The following SOBP variants were observed in gnomAD, a reference collection of about 807,000 sequenced individuals.
SOBP encodes the protein sine oculis binding protein homolog.
A neutral mutation model predicts 53.6 loss-of-function variants in SOBP; 4 were observed. The ratio of observed to expected loss-of-function variants is 0.07; its 90% CI spans 0.04 to 0.17. The LOEUF (loss-of-function observed/expected upper bound fraction) is 0.17, where lower values mean the gene tolerates loss of function less well. SOBP is among the 10% of genes least tolerant of loss of function. The probability of loss-of-function intolerance (pLI) is 1.00; values close to 1 mark genes in which losing one functional copy is unlikely to be tolerated. For missense variants in SOBP, 1,088 were observed against 1,204.7 expected, an observed-to-expected ratio of 0.90 and a Z score of 1.43; for synonymous variants, 584 against 522.6, an observed-to-expected ratio of 1.12 and a Z score of -1.60.
At chr6:107,654,310 A>C (rs1028968079) in intron 6 of SOBP, among the ~76,000 whole-genome samples, 1 of 152,206 alleles carries the variant, frequency 6.6e-6, no homozygotes, top group Non-Finnish European at 1.5e-5. Flanking sequence ...CTGATGCTTC[A>C]TGTAGCAGGG....
chr6:107,620,741 A>C (rs1786974107), intron 5 of SOBP, among the ~76,000 whole-genome samples: 1 of 152,224 alleles, frequency 6.6e-6, no homozygotes, highest in Non-Finnish European at 1.5e-5. Context: ...CACTGAAAGA[A>C]AGGCCCGCCC....
chr6:107,573,226 A>G (rs1478087349), intron 4 of SOBP, among the ~76,000 whole-genome samples: 4 of 152,170 alleles, frequency 2.6e-5, no homozygotes, highest in African/African-American at 9.7e-5. Context: ...AGCCTTTGGC[A>G]GTGTCTTCTG....
chr6:107,535,707 A>G (rs1404733243), intron 4 of SOBP, among the ~76,000 whole-genome samples: 1 of 151,570 alleles, frequency 6.6e-6, no homozygotes, highest in Non-Finnish European at 1.5e-5. Context: ...TTAATTTTAA[A>G]GAGTGTTATC....
rs769234820 is a variant in SOBP, at chr6:107,624,166, AG to A, written c.670-9347del. 5.1e-4 allele frequency among the ~76,000 whole-genome samples: 78 copies of A among 152,374 alleles called. 1 individual carries two copies. Among genetic ancestry groups the A allele is most frequent in the Admixed American group, 3.9e-4 (6 of 15,310 alleles). Reference sequence around the variant, plus strand: ...TAACAGTGGGACTTGACTGCTGAAAAGCACATGCATTCTTGGGTGGCATTAG... The same window carrying A: ...TAACAGTGGGACTTGACTGCTGAAAACACATGCATTCTTGGGTGGCATTAG... On this transcript the variant is annotated intron_variant, in intron 5 of 6. Transcript: ENST00000317357.
At chr6:107,637,371 C>T (rs916355383) in intron 6 of SOBP, among the ~76,000 whole-genome samples, 1 of 152,206 alleles carries the variant, frequency 6.6e-6, no homozygotes, top group Non-Finnish European at 1.5e-5. Flanking sequence ...CAGCCACCAT[C>T]GTTCGAGGTT....
At chr6:107,549,201 A>G (rs1583200010) in intron 4 of SOBP, among the ~76,000 whole-genome samples, 1 of 152,068 alleles carries the variant, frequency 6.6e-6, no homozygotes, top group Non-Finnish European at 1.5e-5. Flanking sequence ...CGGGAGGCGG[A>G]GCTTGCAGGG....
chr6:107,497,294 T>C (rs970018416), intron 1 of SOBP, among the ~76,000 whole-genome samples: 6 of 152,266 alleles, frequency 3.9e-5, no homozygotes, highest in Admixed American at 1.3e-4. Flanking sequence ...GCATTTCTCA[T>C]GTGCTCCACT....
chr6:107,564,751 A>G (rs555044710), intron 4 of SOBP, among the ~76,000 whole-genome samples: 24 of 152,344 alleles, frequency 1.6e-4, no homozygotes, highest in African/African-American at 5.3e-4. Flanking sequence ...AACTTCTGTG[A>G]GACTGGAGTA....
In SOBP at chr6:107,587,077, C is replaced by T. The variant is rs774870156; in HGVS notation, c.574-3C>T. 1.6e-5 allele frequency: 26 copies of T among 1,612,160 alleles called. No individual in the cohort carries two copies. The highest frequency in any genetic ancestry group is 2.2e-5 in the Non-Finnish European group (26 of 1,178,602). ...CTAAATAGGCCATTATATTTCCCTT[C>T]AGGCTAGAGATGAAGATGGACATGC... is the stretch of plus-strand genomic sequence containing the variant. On this transcript the variant is annotated splice_region_variant and splice_polypyrimidine_tract_variant and intron_variant, in intron 4 of 6. Coordinates refer to ENST00000317357, the MANE Select transcript of SOBP (RefSeq NM_018013.4).
intron 4 of SOBP, among the ~76,000 whole-genome samples, chr6:107,545,558 G>C (rs1038737382): frequency 1.3e-5 from 2 of 152,160 alleles, no homozygotes; most frequent in Non-Finnish European, 2.9e-5. Flanking sequence ...GAAATGTAGT[G>C]ACAAATAAAT....
intron 1 of SOBP, among the ~76,000 whole-genome samples, chr6:107,494,731 T>C (rs1469315327): frequency 6.6e-6 from 1 of 152,234 alleles, no homozygotes; most frequent in Admixed American, 6.5e-5. Flanking sequence ...TTTCTGTCTA[T>C]AAATATTCTC....
intron 5 of SOBP, among the ~76,000 whole-genome samples, chr6:107,612,615 A>C (rs1245001279): frequency 6.6e-6 from 1 of 152,184 alleles, no homozygotes; most frequent in Admixed American, 6.5e-5. Flanking sequence ...TTATATATAT[A>C]AAACATAGCA....
At chr6:107,548,932 A>T (rs1784383929) in intron 4 of SOBP, among the ~76,000 whole-genome samples, 1 of 152,012 alleles carries the variant, frequency 6.6e-6, no homozygotes, top group South Asian at 2.1e-4. Context: ...GCAAGACCTT[A>T]TTTCTAAAAA....
chr6:107,631,022 T>A (rs546145485), intron 5 of SOBP, among the ~76,000 whole-genome samples: 1 of 152,194 alleles, frequency 6.6e-6, no homozygotes, highest in Admixed American at 6.5e-5. Flanking sequence ...TTATTCATCA[T>A]TGGATTACTG....
Position 107,634,597 on chromosome 6 carries a change from C to T in SOBP, c.1753C>T (p.Arg585Trp). 1 of 1,601,588 alleles carries T rather than the reference C, an allele frequency of 6.2e-7. No homozygotes were observed. The highest frequency in any genetic ancestry group is 8.5e-7 in the Non-Finnish European group (1 of 1,179,168). ...GCCAAGCGGACACTCCCTGTCCCCC[C>T]GGGACTCCAAGCAGGGCTCGTCCAA... ...GKPSGHSLSP[R>W]DSKQGSSKSA... Residue 585 changes from arginine (R) to tryptophan (W), a missense_variant, in exon 6 of 7, where the codon CGG becomes TGG. Physicochemically the swap from Arg to Trp is moderately radical, Grantham distance 101. This residue lies in a region of SOBP where 665 missense variants were observed against 629.7 expected (regional missense o/e 1.06). Transcript: ENST00000317357. The surrounding 1 kb of genome is among the most constrained non-coding windows in gnomAD (Gnocchi z 4.5).
intron 4 of SOBP, among the ~76,000 whole-genome samples, chr6:107,581,397 G>A (rs990706442): frequency 2.0e-5 from 3 of 152,168 alleles, no homozygotes; most frequent in Non-Finnish European, 4.4e-5. Flanking sequence ...ATTCAGACCC[G>A]AGGAGTTGGG....
intron 5 of SOBP, among the ~76,000 whole-genome samples, chr6:107,618,296 A>G (rs1362226853): frequency 6.6e-6 from 1 of 152,220 alleles, no homozygotes; most frequent in Non-Finnish European, 1.5e-5. Context: ...AAGGGCATTC[A>G]TAGTTCCTTT....
At chr6:107,652,426 G>T (rs1322471692) in intron 6 of SOBP, among the ~76,000 whole-genome samples, 1 of 152,226 alleles carries the variant, frequency 6.6e-6, no homozygotes, top group Non-Finnish European at 1.5e-5. Context: ...CTGAATTGCT[G>T]CAATCTCACG....
In SOBP at chr6:107,615,371, A is replaced by G. The variant is rs550101473; in HGVS notation, c.670-18143A>G. 2.0e-4 allele frequency among the ~76,000 whole-genome samples: 30 copies of G among 152,306 alleles called. 3 individuals carry two copies. The highest frequency in any genetic ancestry group is 7.0e-4 in the African/African-American group (29 of 41,576). On this transcript the variant is annotated intron_variant, in intron 5 of 6. Transcript: ENST00000317357. Reference sequence around the variant, plus strand: ...CAAGCAATAGATTTATTAAGCTTTTAGGTATTTTCTAGGGATTATTACTCT... The same window carrying G: ...CAAGCAATAGATTTATTAAGCTTTTGGGTATTTTCTAGGGATTATTACTCT...
Sources: allele counts gnomAD v4.1 joint callset (sites outside exome capture counted in the v4.1 genomes callset), GRCh38; gene constraint gnomAD v4.1.1; regional missense constraint gnomAD v4.1.1; non-coding constraint Gnocchi (gnomAD v3.1); transcripts MANE v1.5; gene names NCBI Gene and HGNC (gene_info 2026-07-23, HGNC 2026-07-21).